The following GLRA3 variants were observed in gnomAD, a reference collection of about 807,000 sequenced individuals.
GLRA3 encodes glycine receptor subunit alpha-3.
GLRA3 carries 44 observed loss-of-function variants against 60.4 expected under a neutral mutation model. The observed-to-expected ratio is 0.73, with a 90% confidence interval of 0.57 to 0.94. The LOEUF is 0.94. Ranked by LOEUF, GLRA3 falls within the 40% of genes least tolerant of loss-of-function variation. The pLI, the probability that GLRA3 is intolerant of heterozygous loss-of-function variation, is 0.00. For missense variants in GLRA3, 508 were observed against 564.6 expected (o/e 0.90, Z 1.02); for synonymous variants, 223 against 192.9 (o/e 1.16, Z -1.29).
intron 5 of GLRA3, among the ~76,000 whole-genome samples, chr4:174,708,807 C>T (rs1735607349): frequency 7.1e-6 from 1 of 141,320 alleles, no homozygotes; most frequent in African/African-American, 2.7e-5. Flanking sequence ...AAAATCCTTC[C>T]TGGCTTTTTT....
chr4:174,749,283 A>G (rs891064680), intron 3 of GLRA3, among the ~76,000 whole-genome samples: 4 of 152,096 alleles, frequency 2.6e-5, no homozygotes, highest in Admixed American at 6.6e-5. Flanking sequence ...CAGTACTTTT[A>G]TAAACATCTG....
chr4:174,707,223 T>C (rs1436771664), intron 5 of GLRA3, among the ~76,000 whole-genome samples: 1 of 152,212 alleles, frequency 6.6e-6, no homozygotes, highest in Non-Finnish European at 1.5e-5. Context: ...GTCCTGTCCT[T>C]CTGGGAGTGT....
chr4:174,779,629 G>A (rs1358520831), intron 2 of GLRA3, among the ~76,000 whole-genome samples: 1 of 152,180 alleles, frequency 6.6e-6, no homozygotes, highest in Non-Finnish European at 1.5e-5. Flanking sequence ...GGAGCTGACG[G>A]AGCTGAAAAC....
chr4:174,681,353 C>A (rs1177210386), intron 6 of GLRA3, among the ~76,000 whole-genome samples: 1 of 152,076 alleles, frequency 6.6e-6, no homozygotes, highest in Non-Finnish European at 1.5e-5. Flanking sequence ...TCATGTCCAC[C>A]CAGAATGTGT....
chr4:174,818,413 A>G (rs1037298977), intron 1 of GLRA3, among the ~76,000 whole-genome samples: 4 of 152,192 alleles, frequency 2.6e-5, no homozygotes, highest in Non-Finnish European at 5.9e-5. Flanking sequence ...AATGATATGT[A>G]CTTTGCCCTT....
At position 174,817,676 on chromosome 4, in the gene GLRA3, C is replaced by G. The variant is rs141118792; in HGVS notation, c.71+11065G>C. 1.8e-3 allele frequency among the ~76,000 whole-genome samples: 267 copies of G among 152,204 alleles called. 1 individual carries two copies. Among genetic ancestry groups the G allele is most frequent in the Middle Eastern group, 3.4e-3 (1 of 294 alleles). On this transcript the variant is annotated intron_variant, in intron 1 of 9. Transcript: ENST00000274093. ...AGGCTGGAGTGCAGTGTCACTATCT[C>G]GGCTCACTGCAACATCCACCTCCTG...
In GLRA3 at chr4:174,773,490, T is replaced by C. The variant is rs185045266; in HGVS notation, c.200-6460A>G. ...AGAAAACAAACAAACAACTCATATG[T>C]TCATAAAAATGACTAAGGAAGTTTT... On this transcript the variant is annotated intron_variant, in intron 2 of 9. Coordinates refer to ENST00000274093, the MANE Select transcript of GLRA3 (RefSeq NM_006529.4). 3.5e-4 allele frequency among the ~76,000 whole-genome samples: 54 copies of C among 152,276 alleles called. 1 individual carries two copies. In the East Asian group the frequency reaches 0.01, roughly 29 times the overall value.
At chr4:174,714,131 A>G (rs1735820494) in intron 5 of GLRA3, among the ~76,000 whole-genome samples, 1 of 152,186 alleles carries the variant, frequency 6.6e-6, no homozygotes, top group Non-Finnish European at 1.5e-5. Flanking sequence ...AAAACTTCTT[A>G]AACAATCTTG....
At chr4:174,679,203 C>A (rs886160998) in intron 6 of GLRA3, among the ~76,000 whole-genome samples, 2 of 152,012 alleles carry the variant, frequency 1.3e-5, no homozygotes, top group East Asian at 3.9e-4. Context: ...TGGTGGTGGG[C>A]GCCTGTAGTC....
chr4:174,687,809 A>T, intron 5 of GLRA3, among the ~76,000 whole-genome samples: 1 of 152,158 alleles, frequency 6.6e-6, no homozygotes. Context: ...ATAACTCATC[A>T]ATCTGATATT....
At chr4:174,828,689 G>T in intron 1 of GLRA3, 52 bp downstream of exon 1, 2 of 1,120,748 alleles carry the variant, frequency 1.8e-6, no homozygotes, top group Non-Finnish European at 2.7e-6. Flanking sequence ...TGGTTGCAAC[G>T]TAATGCACAG....
intron 1 of GLRA3, among the ~76,000 whole-genome samples, chr4:174,802,995 T>A (rs1255206711): frequency 6.6e-6 from 1 of 152,068 alleles, no homozygotes; most frequent in African/African-American, 2.4e-5. Context: ...TATTTGAGTG[T>A]GAAGACTTAA....
At chr4:174,651,963 G>A (rs988135493) in intron 9 of GLRA3, among the ~76,000 whole-genome samples, 4 of 151,954 alleles carry the variant, frequency 2.6e-5, no homozygotes, top group East Asian at 1.9e-4. Flanking sequence ...GTCTGCTCTC[G>A]CAGTAAGACA....
At chr4:174,655,370 T>C (rs1314262826) in intron 9 of GLRA3, among the ~76,000 whole-genome samples, 1 of 152,112 alleles carries the variant, frequency 6.6e-6, no homozygotes, top group African/African-American at 2.4e-5. Context: ...TAAAAACAAA[T>C]GGGATGTATA....
chr4:174,643,912 G>A lies in GLRA3; in HGVS notation c.1269C>T (p.Asp423=). The A allele has an allele frequency of 6.2e-7, 1 of 1,614,064 alleles. No homozygotes were observed. The highest frequency in any genetic ancestry group is 8.5e-7 in the Non-Finnish European group (1 of 1,179,982). Reference sequence around the variant, plus strand: ...AGATGGTATCAATCTTCTTGGCCCGGTCGATAAAGACCTTCCTCATTTCAT... The same window carrying A: ...AGATGGTATCAATCTTCTTGGCCCGATCGATAAAGACCTTCCTCATTTCAT... ...SPDEMRKVFI[D]RAKKIDTISR... Residue 423 remains aspartate (D), a synonymous_variant, in exon 10 of 10, where the codon GAC becomes GAT. Transcript: ENST00000274093.
intron 1 of GLRA3, among the ~76,000 whole-genome samples, chr4:174,803,329 C>T (rs1221826920): frequency 6.6e-6 from 1 of 152,062 alleles, no homozygotes; most frequent in Admixed American, 6.6e-5. Flanking sequence ...AATTAACTCA[C>T]TGATTTGTAG....
intron 5 of GLRA3, among the ~76,000 whole-genome samples, chr4:174,692,103 A>C (rs1258853159): frequency 1.5e-5 from 2 of 134,900 alleles, no homozygotes; most frequent in African/African-American, 2.9e-5. Context: ...AAGTGAGGAG[A>C]CCCTCCGCCT....
At chr4:174,688,126 A>G (rs896896594) in intron 5 of GLRA3, among the ~76,000 whole-genome samples, 1 of 151,712 alleles carries the variant, frequency 6.6e-6, no homozygotes. Flanking sequence ...TTTACAGAAA[A>G]AAAAGGAAAA....
chr4:174,714,897 T>A (rs964170676), intron 5 of GLRA3, among the ~76,000 whole-genome samples: 1 of 152,196 alleles, frequency 6.6e-6, no homozygotes, highest in South Asian at 2.1e-4. Context: ...GAGGAATACC[T>A]GAAAGCTTGA....
Sources: gnomAD v4.1 joint callset for allele counts (sites outside exome capture counted in the v4.1 genomes callset) on GRCh38, gnomAD v4.1.1 for gene constraint, MANE v1.5 for transcripts, NCBI Gene and HGNC (gene_info 2026-07-23, HGNC 2026-07-21) for gene names.